The following GRB10 variants were observed in gnomAD, a reference collection of about 807,000 sequenced individuals.
The protein encoded by GRB10 is growth factor receptor bound protein 10.
GRB10 carries 20 observed loss-of-function variants against 80.9 expected under a neutral mutation model. The observed-to-expected ratio is 0.25, with a 90% CI of 0.17 to 0.36. The LOEUF is 0.36. GRB10 is among the 10% of genes least tolerant of loss of function. GRB10 has a pLI of 1.00. For synonymous variants in GRB10, 291 were observed against 291.5 expected, an observed-to-expected ratio of 1.00 and a Z score of 0.02; for missense variants, 548 against 747.7, an observed-to-expected ratio of 0.73 and a Z score of 3.12.
intron 5 of GRB10, among the ~76,000 whole-genome samples, chr7:50,699,999 C>A (rs2063937949): frequency 6.6e-6 from 1 of 151,936 alleles, no homozygotes; most frequent in Non-Finnish European, 1.5e-5. Context: ...ATTAGCCGGG[C>A]GTGGTGGCGG....
chr7:50,619,743 G>T (rs530050067), intron 8 of GRB10, among the ~76,000 whole-genome samples: 5 of 152,318 alleles, frequency 3.3e-5, no homozygotes, highest in Non-Finnish European at 5.9e-5. Context: ...AAACTTGGTT[G>T]CCAGAAAAGA....
Position 50,732,296 on chromosome 7 carries a change from G to T in GRB10, c.27C>A (p.Ser9=). Residue 9 remains serine, a synonymous_variant, in exon 4 of 19, where the codon TCC becomes TCA. Transcript: ENST00000401949. Reference sequence around the variant, plus strand: ...CCTGGTAGTACGGATGGTGCAAAAAGGAATCTGGGCAGCCGGCTAAAGCCA... The same window carrying T: ...CCTGGTAGTACGGATGGTGCAAAAATGAATCTGGGCAGCCGGCTAAAGCCA... MALAGCPD[S]FLHHPYYQDK... 1 of 1,614,036 alleles carries T rather than the reference G, an allele frequency of 6.2e-7. No individual in the cohort carries two copies. Among genetic ancestry groups the T allele is most frequent in the Non-Finnish European group, 8.5e-7 (1 of 1,180,000 alleles).
intron 7 of GRB10, among the ~76,000 whole-genome samples, chr7:50,653,912 C>G (rs550904284): frequency 2.0e-5 from 3 of 152,202 alleles, no homozygotes; most frequent in African/African-American, 7.2e-5. Context: ...ATTACAGACA[C>G]TAATATAAAT....
chr7:50,644,029 C>T (rs2056752507), intron 7 of GRB10, among the ~76,000 whole-genome samples: 1 of 152,196 alleles, frequency 6.6e-6, no homozygotes, highest in African/African-American at 2.4e-5. Flanking sequence ...TAGTAACGAT[C>T]ACCCCAGAAC....
At chr7:50,640,869 A>G (rs927603109) in intron 7 of GRB10, among the ~76,000 whole-genome samples, 1 of 152,096 alleles carries the variant, frequency 6.6e-6, no homozygotes. Context: ...TTTCTTGTAG[A>G]TGGACTCAGG....
At chr7:50,616,145 C>G in intron 11 of GRB10, 65 bp downstream of exon 11, 2 of 1,593,262 alleles carry the variant, frequency 1.3e-6, no homozygotes, top group Non-Finnish European at 1.7e-6. Context: ...CAGGTTCACT[C>G]TGAGGACCTG....
At chr7:50,749,134 G>GGTTTT (rs2073659298) in intron 3 of GRB10, among the ~76,000 whole-genome samples, 3 of 137,906 alleles carry the variant, frequency 2.2e-5, no homozygotes, top group Non-Finnish European at 3.1e-5. Context: ...TTTTTTGTTT[G>GGTTTT]TTTTTTTTTT....
At chr7:50,661,563 T>A (rs1291115146) in intron 7 of GRB10, among the ~76,000 whole-genome samples, 2 of 152,226 alleles carry the variant, frequency 1.3e-5, no homozygotes, top group Non-Finnish European at 2.9e-5. Context: ...ACTATACTTT[T>A]TCTTCACCGG....
chr7:50,645,068 G>T (rs2056954620), intron 7 of GRB10, among the ~76,000 whole-genome samples: 1 of 152,050 alleles, frequency 6.6e-6, no homozygotes, highest in Admixed American at 6.6e-5. Flanking sequence ...TATCATTTAG[G>T]GCTATAATTT....
At chr7:50,698,663 C>G (rs1354138031) in intron 5 of GRB10, among the ~76,000 whole-genome samples, 1 of 152,182 alleles carries the variant, frequency 6.6e-6, no homozygotes, top group Non-Finnish European at 1.5e-5. Flanking sequence ...TTTGTCTGGC[C>G]TTGAACTAAC....
chr7:50,665,814 G>C lies in GRB10; in HGVS notation c.504+3908C>G, dbSNP rs1456997951. On this transcript the variant is annotated intron_variant, in intron 7 of 18. Transcript: ENST00000401949. ...GAAGGAATGAGTGGGCTGTCAGACG[G>C]TGACATCCCAGCACGTGGATCTCCG... is the stretch of plus-strand genomic sequence containing the variant. Among the ~76,000 whole-genome samples, 3 of 152,354 alleles carry C rather than the reference G, an allele frequency of 2.0e-5. No homozygotes were observed. The East Asian group carries it at 5.8e-4, about 29-fold the overall frequency.
intron 2 of GRB10, among the ~76,000 whole-genome samples, chr7:50,777,485 A>AT (rs2077800335): frequency 7.2e-6 from 1 of 139,592 alleles, no homozygotes; most frequent in Non-Finnish European, 1.6e-5. Context: ...TAAATATACT[A>AT]ATTATAATTG....
intron 1 of GRB10, among the ~76,000 whole-genome samples, chr7:50,788,957 C>T (rs1202512204): frequency 6.6e-6 from 1 of 152,204 alleles, no homozygotes; most frequent in African/African-American, 2.4e-5. Context: ...CTGCAGGGGT[C>T]TTCACAACTT....
chr7:50,639,450 C>T (rs997500676), intron 7 of GRB10, among the ~76,000 whole-genome samples: 18 of 152,054 alleles, frequency 1.2e-4, no homozygotes, highest in East Asian at 7.8e-4. Flanking sequence ...CCGAAGTGGG[C>T]GGATCACAAG....
chr7:50,704,154 T>A (rs546234609), intron 4 of GRB10, among the ~76,000 whole-genome samples: 57 of 151,916 alleles, frequency 3.8e-4, no homozygotes, highest in African/African-American at 1.3e-3. Flanking sequence ...CTTAAATAGC[T>A]TTCCCTGAAT....
chr7:50,751,228 GA>G (rs1200421160), intron 3 of GRB10, among the ~76,000 whole-genome samples: 1 of 152,086 alleles, frequency 6.6e-6, no homozygotes, highest in Admixed American at 6.6e-5. Context: ...TCAGCAGGAA[GA>G]AATCCAATCC....
intron 7 of GRB10, among the ~76,000 whole-genome samples, chr7:50,638,235 C>T (rs2055450247): frequency 1.3e-5 from 2 of 152,024 alleles, no homozygotes. Flanking sequence ...TATGACTAAG[C>T]CCTCAAAAGC....
intron 3 of GRB10, among the ~76,000 whole-genome samples, chr7:50,748,716 G>C (rs561112999): frequency 6.6e-6 from 1 of 152,294 alleles, no homozygotes; most frequent in East Asian, 1.9e-4. Context: ...CGGGGACCGA[G>C]GCCTTTGGAC....
intron 17 of GRB10, among the ~76,000 whole-genome samples, chr7:50,596,716 A>C (rs907046505): frequency 6.6e-6 from 1 of 150,782 alleles, no homozygotes; most frequent in Non-Finnish European, 1.5e-5. Flanking sequence ...TAAACGGTTC[A>C]GAAGAAAAAA....
Sources: allele counts gnomAD v4.1 joint callset (sites outside exome capture counted in the v4.1 genomes callset), GRCh38; gene constraint gnomAD v4.1.1; transcripts MANE v1.5; gene names NCBI Gene and HGNC (gene_info 2026-07-23, HGNC 2026-07-21).